The following MGLL variants were observed in gnomAD, a reference collection of about 807,000 sequenced individuals.
The protein encoded by MGLL is monoglyceride lipase.
In MGLL, 7 loss-of-function variants were observed where a neutral mutation model predicts 29.1. That is an observed-to-expected ratio of 0.24 (90% CI 0.14 to 0.45). The LOEUF is 0.45. MGLL is among the 20% of genes least tolerant of loss of function. The pLI is 0.99. For missense variants in MGLL, 356 were observed against 413.6 expected (o/e 0.86, Z 1.21); for synonymous variants, 148 against 168.3 (o/e 0.88, Z 0.93).
chr3:127,802,871 C>G (rs1456041214), intron 2 of MGLL, among the ~76,000 whole-genome samples: 1 of 152,210 alleles, frequency 6.6e-6, no homozygotes, highest in Non-Finnish European at 1.5e-5. Context: ...TAATGAAGAG[C>G]TCCACAGCTG....
chr3:127,743,241 T>C (rs891724759), intron 3 of MGLL, among the ~76,000 whole-genome samples: 11 of 152,348 alleles, frequency 7.2e-5, no homozygotes, highest in Admixed American at 2.6e-4. Flanking sequence ...TATTTTCAGA[T>C]TCCAGTCTTT....
At chr3:127,805,138 T>C (rs899777387) in intron 2 of MGLL, among the ~76,000 whole-genome samples, 1 of 152,256 alleles carries the variant, frequency 6.6e-6, no homozygotes, top group African/African-American at 2.4e-5. Flanking sequence ...TGATCTTCTA[T>C]AAGAATGTGC....
At chr3:127,730,598 G>A (rs1438704058) in intron 3 of MGLL, among the ~76,000 whole-genome samples, 2 of 152,164 alleles carry the variant, frequency 1.3e-5, no homozygotes, top group South Asian at 2.1e-4. Flanking sequence ...GAGTCATGGA[G>A]AGCTTAGGGT....
intron 5 of MGLL, among the ~76,000 whole-genome samples, chr3:127,714,624 G>A (rs2075780796): frequency 6.6e-6 from 1 of 150,980 alleles, no homozygotes; most frequent in South Asian, 2.1e-4. Context: ...CAGTGAATGC[G>A]CACACAGGTG....
intron 3 of MGLL, among the ~76,000 whole-genome samples, chr3:127,731,627 G>T (rs1179591787): frequency 6.6e-6 from 1 of 152,088 alleles, no homozygotes; most frequent in Non-Finnish European, 1.5e-5. Flanking sequence ...CCTTGCATCT[G>T]AGAGCCCTGA....
intron 6 of MGLL, among the ~76,000 whole-genome samples, chr3:127,708,519 A>T (rs1195545695): frequency 6.6e-6 from 1 of 152,188 alleles, no homozygotes; most frequent in African/African-American, 2.4e-5. Flanking sequence ...GAGAGAAAAG[A>T]TCTGAAATTG....
chr3:127,738,116 A>C (rs1576528033), intron 3 of MGLL, among the ~76,000 whole-genome samples: 1 of 151,614 alleles, frequency 6.6e-6, no homozygotes, highest in East Asian at 2.0e-4. Context: ...CCTGGACAAC[A>C]TGGTGAAACC....
rs77670131 is a variant in MGLL, at chr3:127,735,702, T to C, written c.263-13136A>G. The C allele has an allele frequency of 8.9e-3, 14,252 of 1,597,476 alleles. 344 individuals carry two copies. The highest frequency in any genetic ancestry group is 0.062 in the East Asian group (2,795 of 44,874). On this transcript the variant is annotated intron_variant, in intron 3 of 7. Transcript: ENST00000265052. The stretch of plus-strand genomic sequence containing the variant: ...GGGGAATAAATGAAACAGCTGAACA[T>C]ACCTGGCAAAAGGTGGGTTTCCAGC...
At chr3:127,721,507 G>GTTTTTTTTT (rs55892315) in intron 4 of MGLL, among the ~76,000 whole-genome samples, 3 of 94,814 alleles carry the variant, frequency 3.2e-5, no homozygotes, top group Non-Finnish European at 3.9e-5. Flanking sequence ...TAATAGGAGG[G>GTTTTTTTTT]TTTTTTTTTT....
intron 3 of MGLL, among the ~76,000 whole-genome samples, chr3:127,777,741 G>A (rs2077060074): frequency 7.2e-6 from 1 of 138,654 alleles, no homozygotes; most frequent in African/African-American, 2.6e-5. Flanking sequence ...ACTTCCCTTT[G>A]CTAACACATG....
At chr3:127,781,972 G>A (rs1003600079) in intron 2 of MGLL, 77 bp from the exon 3 acceptor site, 29 of 1,410,274 alleles carry the variant, frequency 2.1e-5, no homozygotes, top group Non-Finnish European at 2.8e-5. Flanking sequence ...TACAATTCCA[G>A]CACTTTGGGA....
At chr3:127,724,248 A>C (rs544294799) in intron 3 of MGLL, among the ~76,000 whole-genome samples, 6 of 151,386 alleles carry the variant, frequency 4.0e-5, no homozygotes, top group African/African-American at 1.5e-4. Flanking sequence ...GGCACCCTCT[A>C]CTCCACTTTC....
At chr3:127,735,869 T>C (rs2076233314) in intron 3 of MGLL, 5 of 1,585,220 alleles carry the variant, frequency 3.2e-6, no homozygotes, top group Non-Finnish European at 3.4e-6. Flanking sequence ...CTCTCCCACT[T>C]ACAAGGATTT....
intron 2 of MGLL, among the ~76,000 whole-genome samples, chr3:127,814,227 G>A (rs1045468822): frequency 2.0e-5 from 3 of 152,128 alleles, no homozygotes. Context: ...GTCAACTTGG[G>A]GCAGCTGCAA....
At chr3:127,783,166 A>AG (rs2077157771) in intron 2 of MGLL, among the ~76,000 whole-genome samples, 1 of 151,590 alleles carries the variant, frequency 6.6e-6, no homozygotes, top group South Asian at 2.1e-4. Context: ...AAAAAAAAAA[A>AG]AAGAAGTAAA....
intron 2 of MGLL, among the ~76,000 whole-genome samples, chr3:127,796,746 G>A (rs1420719562): frequency 6.6e-6 from 1 of 152,126 alleles, no homozygotes; most frequent in Admixed American, 6.6e-5. Context: ...CTCTCCCAGC[G>A]TAAGGATAAT....
chr3:127,812,597 A>G (rs2077683019), intron 2 of MGLL, among the ~76,000 whole-genome samples: 1 of 152,232 alleles, frequency 6.6e-6, no homozygotes, highest in East Asian at 1.9e-4. Context: ...GGCGCTTGCC[A>G]TGAGGGTGGA....
chr3:127,725,527 GA>G (rs1020473337), intron 3 of MGLL, among the ~76,000 whole-genome samples: 1 of 151,890 alleles, frequency 6.6e-6, no homozygotes, highest in African/African-American at 2.4e-5. Context: ...TAAACACAAA[GA>G]AACACACAAC....
chr3:127,787,802 C>T lies in MGLL; in HGVS notation c.156-5907G>A, dbSNP rs117272247. The stretch of plus-strand genomic sequence containing the variant: ...TTCATCCTCCACTTCTACCAAACTC[C>T]GTCCTGCCAAATTTTATGACTTTAA... On this transcript the variant is annotated intron_variant, in intron 2 of 7. Coordinates refer to ENST00000265052, the MANE Select transcript of MGLL (RefSeq NM_007283.7). 1.2e-3 allele frequency among the ~76,000 whole-genome samples: 190 copies of T among 152,354 alleles called. 7 individuals carry two copies. The East Asian group carries it at 0.035, about 28-fold the overall frequency.
Sources: gnomAD v4.1 joint callset for allele counts (sites outside exome capture counted in the v4.1 genomes callset) on GRCh38, gnomAD v4.1.1 for gene constraint, MANE v1.5 for transcripts, NCBI Gene and HGNC (gene_info 2026-07-23, HGNC 2026-07-21) for gene names.